The following CDH18 variants were observed in gnomAD, a reference collection of about 807,000 sequenced individuals.
CDH18 encodes the protein cadherin-18.
In CDH18, 31 loss-of-function variants were observed where a neutral mutation model predicts 67.9. That is an observed-to-expected ratio of 0.46 (90% CI 0.34 to 0.62). CDH18 has a LOEUF of 0.62. Ranked by LOEUF, CDH18 falls within the 20% of genes least tolerant of loss-of-function variation. The pLI, the probability that CDH18 is intolerant of heterozygous loss-of-function variation, is 0.01. For missense variants in CDH18, 890 were observed against 975.5 expected, an observed-to-expected ratio of 0.91 and a Z score of 1.17; for synonymous variants, 362 against 347.2, an observed-to-expected ratio of 1.04 and a Z score of -0.48.
At chr5:20,251,832 G>C (rs1743882580) in intron 2 of CDH18, among the ~76,000 whole-genome samples, 1 of 152,084 alleles carries the variant, frequency 6.6e-6, no homozygotes, top group South Asian at 2.1e-4. Flanking sequence ...AAATAGATCT[G>C]ATTTGAGAAT....
chr5:19,666,237 T>TTTATTATTATTATTATTATTA, intron 5 of CDH18, among the ~76,000 whole-genome samples: 1 of 128,162 alleles, frequency 7.8e-6, no homozygotes, highest in Non-Finnish European at 1.6e-5. Flanking sequence ...CTGTATGATT[T>TTTATTATTATTATTATTATTA]TTATTATTAT....
intron 6 of CDH18, among the ~76,000 whole-genome samples, chr5:19,593,720 C>CT (rs1745666745): frequency 8.4e-6 from 1 of 118,924 alleles, no homozygotes; most frequent in African/African-American, 4.1e-5. Context: ...TCTTCTTCTT[C>CT]TTCTTCTTCT....
chr5:19,918,411 T>C (rs1287892788), intron 2 of CDH18, among the ~76,000 whole-genome samples: 1 of 152,154 alleles, frequency 6.6e-6, no homozygotes, highest in East Asian at 1.9e-4. Context: ...TTATCATACA[T>C]AGAACCTTTG....
At chr5:19,889,429 AT>A (rs1261908594) in intron 2 of CDH18, among the ~76,000 whole-genome samples, 4 of 151,892 alleles carry the variant, frequency 2.6e-5, no homozygotes, top group East Asian at 3.9e-4. Context: ...CAGCCTAGCT[AT>A]TTTTTATAGC....
intron 2 of CDH18, among the ~76,000 whole-genome samples, chr5:20,054,932 A>G (rs562450701): frequency 6.6e-6 from 1 of 152,312 alleles, no homozygotes; most frequent in Admixed American, 6.5e-5. Flanking sequence ...AGAGGATGAG[A>G]AAAGACAGGC....
intron 2 of CDH18, among the ~76,000 whole-genome samples, chr5:19,867,856 T>A (rs1785743049): frequency 6.6e-6 from 1 of 152,148 alleles, no homozygotes; most frequent in Non-Finnish European, 1.5e-5. Flanking sequence ...GTTCCCATAA[T>A]CCCTACATGT....
chr5:20,444,843 C>T (rs1749888522), intron 1 of CDH18, among the ~76,000 whole-genome samples: 1 of 150,674 alleles, frequency 6.6e-6, no homozygotes, highest in Non-Finnish European at 1.5e-5. Flanking sequence ...GAAAATAAAT[C>T]CTATAAGAGA....
At chr5:19,538,133 G>A (rs1309780373) in intron 9 of CDH18, among the ~76,000 whole-genome samples, 2 of 152,138 alleles carry the variant, frequency 1.3e-5, no homozygotes, top group East Asian at 3.9e-4. Context: ...AGGGAAAATT[G>A]CGTGATAGCA....
At position 19,473,151 on chromosome 5, in the gene CDH18, C is replaced by A. The variant is rs1279203404; in HGVS notation, c.*75G>T. 23 of 1,544,698 alleles carry A rather than the reference C, an allele frequency of 1.5e-5. No homozygotes were observed. The South Asian group carries it at 1.6e-4, about 11-fold the overall frequency. On this transcript the variant is annotated 3_prime_UTR_variant, in exon 13 of 13. Transcript: ENST00000382275. ...AGTTCCAAGTACTGTTTCCACACTT[C>A]TTCCTTGTCATTGCTGAGGTTGTAT...
At chr5:19,978,297 A>T (rs532796640) in intron 2 of CDH18, among the ~76,000 whole-genome samples, 12 of 152,254 alleles carry the variant, frequency 7.9e-5, no homozygotes, top group Non-Finnish European at 1.5e-4. Context: ...GGCAACTAGC[A>T]TCCTTCAGGA....
chr5:20,137,497 T>A lies in CDH18; in HGVS notation c.-518+117947A>T, dbSNP rs113989206. On this transcript the variant is annotated intron_variant, in intron 2 of 14. Transcript: ENST00000507958. ...TAGCCATTCATCTAATCTTTTTTCA[T>A]GGTTTTTAGCTGCTTTGTAATGGGT... Among the ~76,000 whole-genome samples, 383 of 151,878 alleles carry A rather than the reference T, an allele frequency of 2.5e-3. 1 individual carries two copies. Among genetic ancestry groups the A allele is most frequent in the African/African-American group, 8.7e-3 (361 of 41,276 alleles).
intron 1 of CDH18, among the ~76,000 whole-genome samples, chr5:20,311,094 CA>C (rs1736939287): frequency 6.6e-6 from 1 of 151,746 alleles, no homozygotes; most frequent in African/African-American, 2.4e-5. Flanking sequence ...AAAAACAAAA[CA>C]AAACAAAAAC....
chr5:19,607,900 T>G (rs1748320604), intron 6 of CDH18, among the ~76,000 whole-genome samples: 1 of 151,692 alleles, frequency 6.6e-6, no homozygotes. Flanking sequence ...TATGGAGTAT[T>G]ATTAGAACTA....
At chr5:20,506,582 C>A (rs968607280) in intron 1 of CDH18, among the ~76,000 whole-genome samples, 3 of 152,192 alleles carry the variant, frequency 2.0e-5, no homozygotes, top group Non-Finnish European at 4.4e-5. Context: ...AGATGAGAAT[C>A]CAGTGTCCTG....
intron 2 of CDH18, among the ~76,000 whole-genome samples, chr5:20,161,611 C>T (rs1429551188): frequency 6.6e-6 from 1 of 152,162 alleles, no homozygotes; most frequent in Non-Finnish European, 1.5e-5. Context: ...TAGAAGAGAT[C>T]ATTCATATCC....
chr5:19,701,083 A>G (rs1763190638), intron 5 of CDH18, among the ~76,000 whole-genome samples: 1 of 152,182 alleles, frequency 6.6e-6, no homozygotes, highest in African/African-American at 2.4e-5. Context: ...AAGGATACAG[A>G]TACAGAAAAA....
At chr5:19,764,341 G>T (rs1255966737) in intron 3 of CDH18, among the ~76,000 whole-genome samples, 8 of 151,966 alleles carry the variant, frequency 5.3e-5, no homozygotes, top group South Asian at 4.2e-4. Context: ...TGTTAGCTCT[G>T]AAGAACTACC....
chr5:19,999,217 TAC>T (rs149828207), intron 2 of CDH18, among the ~76,000 whole-genome samples: 1,812 of 149,558 alleles, frequency 0.012, 41 homozygotes, highest in African/African-American at 0.041. Context: ...AACTATTATT[TAC>T]ACACACACAC....
intron 9 of CDH18, among the ~76,000 whole-genome samples, chr5:19,524,222 C>T (rs896614146): frequency 6.6e-6 from 1 of 150,606 alleles, no homozygotes; most frequent in Non-Finnish European, 1.5e-5. Flanking sequence ...TATATTAATA[C>T]CTTCATATAT....
Sources: allele counts gnomAD v4.1 joint callset (sites outside exome capture counted in the v4.1 genomes callset), GRCh38; gene constraint gnomAD v4.1.1; transcripts MANE v1.5; gene names NCBI Gene and HGNC (gene_info 2026-07-23, HGNC 2026-07-21).